Variants in RPL13A observed in about 807,000 individuals in gnomAD.
RPL13A encodes ribosomal protein L13a.
RPL13A carries 4 observed loss-of-function variants against 30.8 expected under a neutral mutation model. That is an observed-to-expected ratio of 0.13 (90% confidence interval 0.06 to 0.30). The LOEUF (loss-of-function observed/expected upper bound fraction) is 0.30. Among genes scored for constraint, RPL13A ranks in the 10% least tolerant of loss-of-function variants. RPL13A has a pLI of 1.00. For synonymous variants in RPL13A, 108 were observed against 104.2 expected, an observed-to-expected ratio of 1.04 and a Z score of -0.22; for missense variants, 196 against 272.6, an observed-to-expected ratio of 0.72 and a Z score of 1.98.
chr19:49,492,116 C>T lies in RPL13A; in HGVS notation c.*301C>T. On this transcript the variant is annotated 3_prime_UTR_variant, in exon 8 of 8. Transcript: ENST00000391857. ...TCTTGTGAGTGGGGCATCTGTTGGA[C>T]TTTCCACCTGGTCATATACTCTGCA... 8.2e-6 allele frequency: 3 copies of T among 364,096 alleles called. No individual in the cohort carries two copies. Among genetic ancestry groups the T allele is most frequent in the South Asian group, 5.6e-5 (2 of 35,672 alleles). 22.6% of individuals were successfully genotyped at this position (364,096 alleles called of 1,614,324 possible).
At chr19:49,490,394 G>T in intron 3 of RPL13A, 81 bp from the exon 4 acceptor site, 2 of 1,590,944 alleles carry the variant, frequency 1.3e-6, no homozygotes, top group Non-Finnish European at 1.7e-6. Flanking sequence ...GGCTACTTGG[G>T]GTTTCTGAGA....
chr19:49,487,723 T>G (rs1054252314), intron 1 of RPL13A, 79 bp downstream of exon 1: 7 of 1,379,968 alleles, frequency 5.1e-6, no homozygotes, highest in Non-Finnish European at 6.7e-6. Context: ...CTCTCTGTCT[T>G]GCATGTTTTG....
intron 1 of RPL13A, 36 bp from the exon 2 acceptor site, chr19:49,489,814 C>A: frequency 6.7e-7 from 1 of 1,491,220 alleles, no homozygotes; most frequent in Admixed American, 2.4e-5. Flanking sequence ...AAAGGCTGTC[C>A]TTGTCTCTGA....
rs1395876223 is a variant in RPL13A at position 49,491,725 on chromosome 19, G to A, written c.526-4G>A. 15 of 1,612,944 alleles carry A rather than the reference G, an allele frequency of 9.3e-6. No homozygotes were observed. In the South Asian group the frequency reaches 1.4e-4, roughly 15 times the overall value. On this transcript the variant is annotated splice_polypyrimidine_tract_variant and splice_region_variant and intron_variant, in intron 7 of 7. Coordinates refer to ENST00000391857, the MANE Select transcript of RPL13A (RefSeq NM_012423.4). ...CCACCACCACCTGCACTTATTCTTGGCAGAGGCTACGGAAACAGGCCGAGA... is the reference window on the plus strand; with the variant it reads ...CCACCACCACCTGCACTTATTCTTGACAGAGGCTACGGAAACAGGCCGAGA...
intron 1 of RPL13A, among the ~76,000 whole-genome samples, chr19:49,489,539 C>T (rs1393539349): frequency 1.3e-5 from 2 of 152,160 alleles, no homozygotes; most frequent in African/African-American, 4.8e-5. Context: ...GTGGGCAGAG[C>T]CTTGCTGGTC....
rs761443973 is a variant in RPL13A at position 49,491,081 on chromosome 19, T to C, written c.384T>C (p.Arg128=). ...TTCCTGCTGCCCTCAAGGTCGTGCGTCTGAAGCCTACAAGAAAGGTGAGTC... is the reference window on the plus strand; with the variant it reads ...TTCCTGCTGCCCTCAAGGTCGTGCGCCTGAAGCCTACAAGAAAGGTGAGTC... ...MVVPAALKVV[R]LKPTRKFAYL... Residue 128 remains arginine (R), a synonymous_variant, in exon 6 of 8, where the codon CGT becomes CGC. Transcript: ENST00000391857. 1 of 1,614,204 alleles carries C rather than the reference T, an allele frequency of 6.2e-7. No individual in the cohort carries two copies. The highest frequency in any genetic ancestry group is 1.7e-5 in the Admixed American group (1 of 60,020).
At chr19:49,489,444 A>T (rs2122616438) in intron 1 of RPL13A, among the ~76,000 whole-genome samples, 1 of 152,264 alleles carries the variant, frequency 6.6e-6, no homozygotes, top group Middle Eastern at 3.4e-3. Context: ...ACAGGATCAC[A>T]GGACAGCCTG....
rs764413286 is a variant in RPL13A at position 49,491,075 on chromosome 19, C to T, written c.378C>T (p.Val126=). 12 of 1,614,086 alleles carry T rather than the reference C, an allele frequency of 7.4e-6. No individual in the cohort carries two copies. The highest frequency in any genetic ancestry group is 5.3e-5 in the African/African-American group (4 of 74,948). The change falls in exon 6 of 8, where the codon GTC becomes GTT. Residue 126 remains valine, a synonymous_variant. Transcript: ENST00000391857. ...KRMVVPAALK[V]VRLKPTRKFA... ...TGGTGGTTCCTGCTGCCCTCAAGGT[C>T]GTGCGTCTGAAGCCTACAAGAAAGG...
intron 1 of RPL13A, among the ~76,000 whole-genome samples, chr19:49,487,952 C>T (rs948552957): frequency 2.6e-5 from 4 of 152,068 alleles, no homozygotes; most frequent in African/African-American, 9.6e-5. Flanking sequence ...GGGGTAGAGT[C>T]TTGGCCGAAT....
At chr19:49,489,663 G>A (rs1353512452) in intron 1 of RPL13A, among the ~76,000 whole-genome samples, 187 bp from the exon 2 acceptor site, 5 of 152,238 alleles carry the variant, frequency 3.3e-5, no homozygotes, top group Non-Finnish European at 5.9e-5. Context: ...CTGATCCTGA[G>A]GCAGCCTTGC....
intron 2 of RPL13A, 111 bp from the exon 3 acceptor site, chr19:49,490,120 TA>T (rs138311257): frequency 0.033 from 38,928 of 1,181,874 alleles, 887 homozygotes; most frequent in Non-Finnish European, 0.039. Flanking sequence ...GTTTTTCATT[TA>T]AACAGGAACT....
intron 7 of RPL13A, 28 bp from the exon 8 acceptor site, chr19:49,491,701 C>T (rs2079873200): frequency 1.9e-6 from 3 of 1,605,334 alleles, no homozygotes; most frequent in Admixed American, 3.4e-5. Flanking sequence ...CCCTCCTGAC[C>T]ACCACCACCT....
chr19:49,491,870 C>T lies in RPL13A; in HGVS notation c.*55C>T, dbSNP rs1289291461. On this transcript the variant is annotated 3_prime_UTR_variant, in exon 8 of 8. Coordinates refer to ENST00000391857, the MANE Select transcript of RPL13A (RefSeq NM_012423.4). ...GTTGCCTGCCCTTCCTCCATTGTTG[C>T]CCTGGAATGTACGGGACCCAGGGGC... is the stretch of plus-strand genomic sequence containing the variant. 1.4e-6 allele frequency: 2 copies of T among 1,421,706 alleles called. No homozygotes were observed. The highest frequency in any genetic ancestry group is 1.9e-6 in the Non-Finnish European group (2 of 1,030,218). The allele number at this position is 1,421,706 out of a possible 1,614,324, so 88.1% of individuals were successfully genotyped here. A position where few individuals can be genotyped will look rare whatever the true frequency, so the allele number is the denominator to read the frequency against.
At chr19:49,487,707 C>T (rs1456885270) in intron 1 of RPL13A, 63 bp downstream of exon 1, 7 of 1,443,044 alleles carry the variant, frequency 4.9e-6, no homozygotes, top group Non-Finnish European at 6.4e-6. Flanking sequence ...GGAATGGGGT[C>T]GCACCCTCTC....
At chr19:49,490,631 A>G (rs747144601) in intron 4 of RPL13A, 55 bp downstream of exon 4, 3 of 1,587,970 alleles carry the variant, frequency 1.9e-6, no homozygotes, top group South Asian at 2.2e-5. Context: ...GGTGATGAGA[A>G]CTTCTCCCAC....
Position 49,491,898 on chromosome 19 carries a change from C to A in RPL13A, c.*83C>A. 1.8e-6 allele frequency: 2 copies of A among 1,119,876 alleles called. No individual in the cohort carries two copies. Among genetic ancestry groups the A allele is most frequent in the South Asian group, 1.3e-5 (1 of 75,464 alleles). 69.4% of individuals were successfully genotyped at this position (1,119,876 alleles called of 1,614,324 possible). A position where few individuals can be genotyped will look rare whatever the true frequency, so the allele number is the denominator to read the frequency against. ...TGGAATGTACGGGACCCAGGGGCAG[C>A]AGCAGTCCAGGTGCCACAGGCAGCC... is the stretch of plus-strand genomic sequence containing the variant. On this transcript the variant is annotated 3_prime_UTR_variant, in exon 8 of 8. Transcript: ENST00000391857.
chr19:49,487,834 A>G (rs1169209947), intron 1 of RPL13A, among the ~76,000 whole-genome samples, 190 bp downstream of exon 1: 1 of 152,212 alleles, frequency 6.6e-6, no homozygotes, highest in African/African-American at 2.4e-5. Context: ...GTTGGCTACA[A>G]TGTGGCATTT....
rs770044395 is a variant in RPL13A, at chr19:49,491,407, C to CA, written c.403-18_403-17insA. The CA allele has an allele frequency of 3.9e-5, 12 of 307,160 alleles. No individual in the cohort carries two copies. The highest frequency in any genetic ancestry group is 5.6e-5 in the Non-Finnish European group (10 of 179,966). 19.0% of individuals were successfully genotyped at this position (307,160 alleles called of 1,614,324 possible). The stretch of plus-strand genomic sequence containing the variant: ...CCTTACAACTTCATTTGTTCACCCC[C>CA]CCCCCCCCCCCCCGCAGTTTGCCTA... On this transcript the variant is annotated splice_polypyrimidine_tract_variant and intron_variant, in intron 6 of 7. Coordinates refer to ENST00000391857, the MANE Select transcript of RPL13A (RefSeq NM_012423.4).
In RPL13A at chr19:49,487,650, G is replaced by C; in HGVS notation, c.15+6G>C. 6.5e-7 allele frequency: 1 copy of C among 1,550,040 alleles called. No homozygotes were observed. Among genetic ancestry groups the C allele is most frequent in the Non-Finnish European group, 8.7e-7 (1 of 1,150,296 alleles). On this transcript the variant is annotated splice_donor_region_variant and intron_variant, in intron 1 of 7. Transcript: ENST00000391857. ...CGAAGATGGCGGAGGTGCAGGTATG[G>C]GCTCCGCGCGGGCCGGGGCGGCAAG...
Sources: allele counts gnomAD v4.1 joint callset (sites outside exome capture counted in the v4.1 genomes callset), GRCh38; gene constraint gnomAD v4.1.1; transcripts MANE v1.5; gene names NCBI Gene and HGNC (gene_info 2026-07-23, HGNC 2026-07-21).